Variants in UBA1 observed in about 807,000 individuals in gnomAD.
UBA1 encodes the protein ubiquitin like modifier activating enzyme 1.
A neutral mutation model predicts 84.7 loss-of-function variants in UBA1; 4 were observed. That is an observed-to-expected ratio of 0.05 (90% confidence interval 0.02 to 0.11). The LOEUF (loss-of-function observed/expected upper bound fraction) is 0.11. Among genes scored for constraint, UBA1 ranks in the 10% least tolerant of loss-of-function variants. The probability of loss-of-function intolerance (pLI) is 1.00; values close to 1 mark genes in which losing one functional copy is unlikely to be tolerated. For missense variants in UBA1, 513 were observed against 902.8 expected (o/e 0.57, Z 5.53); for synonymous variants, 364 against 362.6 (o/e 1.00, Z -0.04).
intron 8 of UBA1, 58 bp from the exon 9 acceptor site, chrX:47,202,098 G>A: frequency 2.0e-6 from 2 of 1,003,744 alleles, no homozygotes; most frequent in Non-Finnish European, 1.4e-6. Flanking sequence ...TATCTTGCAG[G>A]GGTTGTGGAT....
chrX:47,198,891 T>C lies in UBA1; in HGVS notation c.89T>C (p.Leu30Ser), dbSNP rs782076139. ...GSNCSPAQSV[L>S]SEVPSVPTNG... ...AACTGCTCCCCTGCCCAGTCCGTGTTGTCCGAAGTGCCCTCGGTGCCAACC... is the reference window on the plus strand; with the variant it reads ...AACTGCTCCCCTGCCCAGTCCGTGTCGTCCGAAGTGCCCTCGGTGCCAACC... The change falls in exon 2 of 26, where the codon TTG (leucine) becomes TCG (serine). Residue 30 changes from leucine (L) to serine (S), a missense_variant. This residue lies in a region of UBA1 where 38 missense variants were observed against 43.4 expected (regional missense o/e 0.88). Transcript: ENST00000335972. The C allele has an allele frequency of 7.4e-6, 9 of 1,212,155 alleles. No individual in the cohort carries two copies. In the South Asian group the frequency reaches 1.6e-4, roughly 21 times the overall value.
chrX:47,200,863 A>G (rs1556787538), intron 5 of UBA1, 31 bp from the exon 6 acceptor site: 9 of 1,135,389 alleles, frequency 7.9e-6, no homozygotes, highest in South Asian at 3.8e-5. Flanking sequence ...CTTCACCCCA[A>G]TGCTGGGCCT....
At chrX:47,197,458 T>C in intron 1 of UBA1, 3 of 753,185 alleles carry the variant, frequency 4.0e-6, no homozygotes, top group Non-Finnish European at 4.7e-6. Flanking sequence ...CTTAGGTACA[T>C]TGGGATACTT....
intron 16 of UBA1, among the ~76,000 whole-genome samples, chrX:47,207,402 AAG>A (rs1208753602): frequency 1.8e-5 from 2 of 112,384 alleles, no homozygotes; most frequent in Non-Finnish European, 3.8e-5. Flanking sequence ...AAAAGAAAAA[AAG>A]ATCCGTGCAT....
chrX:47,198,721 C>T (rs1936292871), intron 1 of UBA1, 82 bp from the exon 2 acceptor site: 1 of 955,950 alleles, frequency 1.0e-6, no homozygotes, highest in South Asian at 2.0e-5. Flanking sequence ...TTAAGTCTTC[C>T]CTTCCCCCAC....
At chrX:47,212,712 C>G in intron 21 of UBA1, 59 bp from the exon 22 acceptor site, 1 of 1,051,481 alleles carries the variant, frequency 9.5e-7, no homozygotes, top group South Asian at 1.9e-5. Flanking sequence ...GTGGAGGATA[C>G]ACATCTTCTT....
At chrX:47,199,679 G>A in intron 5 of UBA1, 65 bp downstream of exon 5, 1 of 1,160,562 alleles carries the variant, frequency 8.6e-7, no homozygotes, top group South Asian at 1.8e-5. Context: ...GGTTTATTCA[G>A]TAGTGTTCAA....
At chrX:47,210,522 G>A (rs1936872928) in intron 18 of UBA1, among the ~76,000 whole-genome samples, 1 of 111,868 alleles carries the variant, frequency 8.9e-6, no homozygotes, top group African/African-American at 3.3e-5. Flanking sequence ...CTATCTCATG[G>A]GGGGTTTGGG....
chrX:47,203,352 A>G, intron 13 of UBA1, 138 bp downstream of exon 13: 1 of 838,379 alleles, frequency 1.2e-6, no homozygotes, highest in East Asian at 3.3e-5. Context: ...AGCCCAGTGC[A>G]TCCCTCGTTT....
chrX:47,195,289 G>T (rs976326390), intron 1 of UBA1, among the ~76,000 whole-genome samples: 26 of 110,001 alleles, frequency 2.4e-4, no homozygotes, highest in African/African-American at 8.6e-4. Context: ...TCACTATGTC[G>T]TCCAGGCTGG....
chrX:47,203,850 G>A (rs976284591), intron 14 of UBA1, among the ~76,000 whole-genome samples, 154 bp downstream of exon 14: 9 of 105,115 alleles, frequency 8.6e-5, no homozygotes, highest in Admixed American at 8.4e-4. Flanking sequence ...CTGGGTTCAA[G>A]CGATTCTCCT....
intron 16 of UBA1, among the ~76,000 whole-genome samples, chrX:47,208,293 A>G (rs868952307): frequency 1.1e-5 from 1 of 88,471 alleles, no homozygotes; most frequent in East Asian, 3.6e-4. Flanking sequence ...GTGTGTGTGT[A>G]AGTGTCTGTG....
At chrX:47,202,121 G>A in intron 8 of UBA1, 35 bp from the exon 9 acceptor site, 7 of 1,129,640 alleles carry the variant, frequency 6.2e-6, no homozygotes, top group Non-Finnish European at 8.5e-6. Flanking sequence ...TAGGGAGAAT[G>A]GGTAGACTGA....
chrX:47,203,556 A>G lies in UBA1; in HGVS notation c.1435A>G (p.Ile479Val), dbSNP rs781786034. The change falls in exon 14 of 26, where the codon ATT becomes GTT. Residue 479 changes from isoleucine (I) to valine (V), a missense_variant. Ile to Val is a conservative substitution (Grantham distance 29, BLOSUM62 3). Coordinates refer to ENST00000335972, the MANE Select transcript of UBA1 (RefSeq NM_003334.4). ...QKYFLVGAGAIGCELLKNFAM... is the reference protein window; with the variant it reads ...QKYFLVGAGAVGCELLKNFAM... ...TGCTTCTTAGGTGGGTGCGGGGGCCATTGGCTGTGAGCTGCTCAAGAACTT... is the reference window on the plus strand; with the variant it reads ...TGCTTCTTAGGTGGGTGCGGGGGCCGTTGGCTGTGAGCTGCTCAAGAACTT... The G allele has an allele frequency of 1.7e-6, 2 of 1,208,662 alleles. No homozygotes were observed. Among genetic ancestry groups the G allele is most frequent in the Admixed American group, 2.2e-5 (1 of 45,629 alleles).
intron 1 of UBA1, chrX:47,197,170 C>G (rs2147245538): frequency 1.1e-5 from 8 of 755,160 alleles, no homozygotes; most frequent in Non-Finnish European, 1.1e-5. Flanking sequence ...GCTGCCTCCC[C>G]TCATCTCCCA....
At chrX:47,206,709 C>G in intron 16 of UBA1, 2 of 395,228 alleles carry the variant, frequency 5.1e-6, no homozygotes, top group Non-Finnish European at 8.9e-6. Flanking sequence ...CCATTCCTCA[C>G]CTAAATTTAA....
At chrX:47,194,391 C>G (rs782213356) in intron 1 of UBA1, among the ~76,000 whole-genome samples, 1 of 112,409 alleles carries the variant, frequency 8.9e-6, no homozygotes. Flanking sequence ...GAGCTCCTCA[C>G]CATTGAATGC....
At chrX:47,201,061 C>T (rs1936399878) in intron 6 of UBA1, 61 bp downstream of exon 6, 2 of 1,029,913 alleles carry the variant, frequency 1.9e-6, no homozygotes, top group South Asian at 2.0e-5. Context: ...CAAGCCCAGG[C>T]CAAGACTCTA....
At chrX:47,203,831 C>T in intron 14 of UBA1, 135 bp downstream of exon 14, 2 of 691,651 alleles carry the variant, frequency 2.9e-6, no homozygotes, top group South Asian at 5.9e-5. Context: ...CCACCACAAC[C>T]TCTGCCTCCT....
Sources: allele counts gnomAD v4.1 joint callset (sites outside exome capture counted in the v4.1 genomes callset), GRCh38; gene constraint gnomAD v4.1.1; regional missense constraint gnomAD v4.1.1; transcripts MANE v1.5; gene names NCBI Gene and HGNC (gene_info 2026-07-23, HGNC 2026-07-21).